Variants in UGT1A4 observed in about 807,000 individuals in gnomAD.
The protein encoded by UGT1A4 is UDP-glucuronosyltransferase 1A4.
UGT1A4 carries 32 observed loss-of-function variants against 41.1 expected under a neutral mutation model. The observed-to-expected ratio is 0.78, with a 90% confidence interval of 0.59 to 1.05. The LOEUF (loss-of-function observed/expected upper bound fraction) is 1.05. Among genes scored for constraint, UGT1A4 ranks in the 50% least tolerant of loss-of-function variants. The pLI, the probability that UGT1A4 is intolerant of heterozygous loss-of-function variation, is 0.00. For missense variants in UGT1A4, 748 were observed against 677.4 expected (o/e 1.10, Z -1.16); for synonymous variants, 283 against 265.1 (o/e 1.07, Z -0.66).
At chr2:233,744,177 C>G (rs1335639755) in intron 1 of UGT1A4, among the ~76,000 whole-genome samples, 1 of 151,854 alleles carries the variant, frequency 6.6e-6, no homozygotes, top group Admixed American at 6.5e-5. Context: ...CGGCCTCCAA[C>G]CAGCCATGGT....
intron 1 of UGT1A4, chr2:233,754,796 A>T (rs1379144475): frequency 8.1e-7 from 1 of 1,232,848 alleles, no homozygotes; most frequent in African/African-American, 1.5e-5. Context: ...GAAATCCTGT[A>T]TCAAAAGAAG....
chr2:233,731,227 AT>A (rs2078124721), intron 1 of UGT1A4, among the ~76,000 whole-genome samples: 1 of 151,928 alleles, frequency 6.6e-6, no homozygotes, highest in Non-Finnish European at 1.5e-5. Flanking sequence ...ATTTGTAAAA[AT>A]GTTGAAAAGT....
intron 1 of UGT1A4, among the ~76,000 whole-genome samples, chr2:233,727,500 G>A (rs1156427094): frequency 6.6e-6 from 1 of 152,198 alleles, no homozygotes; most frequent in Non-Finnish European, 1.5e-5. Flanking sequence ...GAACATGGGA[G>A]CCCATGAATG....
chr2:233,747,901 C>G (rs1437655661), intron 1 of UGT1A4: 1 of 1,613,426 alleles, frequency 6.2e-7, no homozygotes, highest in Non-Finnish European at 8.5e-7. Flanking sequence ...CTTTCTGCTC[C>G]TTATGCAAGC....
At chr2:233,735,095 T>A (rs2078606910) in intron 1 of UGT1A4, among the ~76,000 whole-genome samples, 2 of 152,186 alleles carry the variant, frequency 1.3e-5, no homozygotes, top group South Asian at 4.1e-4. Context: ...TGTTGAACTG[T>A]CTAATATCGA....
At chr2:233,739,922 C>T (rs28900073) in intron 1 of UGT1A4, among the ~76,000 whole-genome samples, 1 of 151,712 alleles carries the variant, frequency 6.6e-6, no homozygotes, top group Non-Finnish European at 1.5e-5. Flanking sequence ...TTTCCATAAT[C>T]CCCATGTGTT....
intron 1 of UGT1A4, among the ~76,000 whole-genome samples, chr2:233,722,549 T>C (rs2077022097): frequency 6.6e-6 from 1 of 152,228 alleles, no homozygotes; most frequent in East Asian, 1.9e-4. Flanking sequence ...CTAGTTTCTT[T>C]TGGTTGATTT....
At chr2:233,730,564 A>G (rs1270529566) in intron 1 of UGT1A4, among the ~76,000 whole-genome samples, 1 of 152,140 alleles carries the variant, frequency 6.6e-6, no homozygotes, top group Non-Finnish European at 1.5e-5. Context: ...AGAATGACAC[A>G]CGAAGTTCAG....
At chr2:233,756,024 C>T (rs151069909) in intron 1 of UGT1A4, 1 of 152,170 alleles carries the variant, frequency 6.6e-6, no homozygotes, top group African/African-American at 2.4e-5. Flanking sequence ...ATTACACATC[C>T]CCCATGTAGC....
intron 1 of UGT1A4, chr2:233,760,598 C>A (rs1373476296): frequency 6.2e-7 from 1 of 1,614,208 alleles, no homozygotes; most frequent in East Asian, 2.2e-5. Context: ...GAGAATGATT[C>A]TTTCCTGCAG....
chr2:233,723,473 G>A (rs1476221455), intron 1 of UGT1A4, among the ~76,000 whole-genome samples: 1 of 135,908 alleles, frequency 7.4e-6, no homozygotes, highest in Admixed American at 7.3e-5. Flanking sequence ...GCCTCCCAAA[G>A]TGCTAGGATT....
In UGT1A4 at chr2:233,730,399, T is replaced by C. The variant is rs371215104; in HGVS notation, c.867+10712T>C. On this transcript the variant is annotated intron_variant, in intron 1 of 4. Coordinates refer to ENST00000373409, the MANE Select transcript of UGT1A4 (RefSeq NM_007120.3). ...GGGGAAAGATGATGCAACAGTAAAT[T>C]ACAATTGTTGACATGATAATTTTTA... Among the ~76,000 whole-genome samples, 4 of 152,338 alleles carry C rather than the reference T, an allele frequency of 2.6e-5. No individual in the cohort carries two copies. In the East Asian group the frequency reaches 7.7e-4, roughly 29 times the overall value.
intron 1 of UGT1A4, among the ~76,000 whole-genome samples, chr2:233,726,140 C>T (rs529901709): frequency 3.9e-5 from 6 of 152,258 alleles, no homozygotes; most frequent in Non-Finnish European, 7.4e-5. Flanking sequence ...CACTCCAGCC[C>T]GAGTGACAGA....
Position 233,718,831 on chromosome 2 carries a change from G to A in UGT1A4, c.11G>A (p.Gly4Glu), listed in dbSNP as rs1317647482. ...GTGGCTTCTGCTGAGATGGCCAGAG[G>A]ACTCCAGGTTCCCCTGCCGCGGCTG... is the stretch of plus-strand genomic sequence containing the variant. MAR[G>E]LQVPLPRLAT... The change falls in exon 1 of 5, where the codon GGA becomes GAA. Residue 4 changes from glycine to glutamate, a missense_variant. Transcript: ENST00000373409. 1 of 1,613,578 alleles carries A rather than the reference G, an allele frequency of 6.2e-7. No homozygotes were observed. Among genetic ancestry groups the A allele is most frequent in the Non-Finnish European group, 8.5e-7 (1 of 1,179,966 alleles).
At chr2:233,758,568 A>G (rs1462095231) in intron 1 of UGT1A4, among the ~76,000 whole-genome samples, 1 of 152,230 alleles carries the variant, frequency 6.6e-6, no homozygotes, top group Non-Finnish European at 1.5e-5. Context: ...TTGGTCCTAA[A>G]AAATGAAGAG....
At chr2:233,770,519 A>C (rs1327661350) in intron 4 of UGT1A4, 1 of 152,120 alleles carries the variant, frequency 6.6e-6, no homozygotes, top group South Asian at 2.1e-4. Context: ...TTACCCAGGC[A>C]TGGTGGTGTA....
intron 1 of UGT1A4, among the ~76,000 whole-genome samples, chr2:233,737,637 G>T (rs1475956364): frequency 6.6e-6 from 1 of 152,182 alleles, no homozygotes; most frequent in Non-Finnish European, 1.5e-5. Context: ...CATCTTCTGC[G>T]TCGATCATGC....
intron 1 of UGT1A4, chr2:233,756,443 C>T (rs1181894650): frequency 6.6e-6 from 1 of 151,696 alleles, no homozygotes; most frequent in Non-Finnish European, 1.5e-5. Flanking sequence ...ATTGTTGTTC[C>T]CCCCAAATAT....
intron 1 of UGT1A4, chr2:233,761,223 C>T: frequency 1.2e-6 from 2 of 1,613,412 alleles, no homozygotes; most frequent in Non-Finnish European, 1.7e-6. Context: ...ATTAACTAGC[C>T]CCAGATATAT....
Sources: gnomAD v4.1 joint callset for allele counts (sites outside exome capture counted in the v4.1 genomes callset) on GRCh38, gnomAD v4.1.1 for gene constraint, MANE v1.5 for transcripts, NCBI Gene and HGNC (gene_info 2026-07-23, HGNC 2026-07-21) for gene names.